Variants in TRMT44 observed in about 807,000 individuals in gnomAD.
The protein encoded by TRMT44 is probable tRNA (uracil-O(2)-)-methyltransferase.
Under a neutral mutation model 77.3 loss-of-function variants are expected in TRMT44, and 78 were observed. The ratio of observed to expected loss-of-function variants is 1.01; its 90% CI spans 0.84 to 1.22. The LOEUF is 1.22. TRMT44 is among the 50% of genes most tolerant of loss of function. The probability of loss-of-function intolerance (pLI) is 0.00; values close to 1 mark genes in which losing one functional copy is unlikely to be tolerated. For synonymous variants in TRMT44, 391 were observed against 383.3 expected (o/e 1.02, Z -0.23); for missense variants, 1,090 against 964.4 (o/e 1.13, Z -1.73).
chr4:8,494,061 G>T (rs1182282423), downstream of TRMT44, among the ~76,000 whole-genome samples: 1 of 150,848 alleles, frequency 6.6e-6, no homozygotes, highest in Non-Finnish European at 1.5e-5. Context: ...CACCAGGTGT[G>T]TGAGGCAGCT....
In TRMT44 at chr4:8,446,353, T is replaced by C; in HGVS notation, c.620-123T>C. The C allele has an allele frequency of 1.6e-6, 1 of 639,672 alleles. No homozygotes were observed. Among genetic ancestry groups the C allele is most frequent in the Non-Finnish European group, 2.7e-6 (1 of 367,740 alleles). The allele number at this position is 639,672 out of a possible 1,614,324, so 39.6% of individuals were successfully genotyped here. A position where few individuals can be genotyped will look rare whatever the true frequency, so the allele number is the denominator to read the frequency against. Reference sequence around the variant, plus strand: ...CAAAAGTTCCTCTCCTGGAGTGCCATTGTGAATAGAGTGCTGGGGGATTGA... The same window carrying C: ...CAAAAGTTCCTCTCCTGGAGTGCCACTGTGAATAGAGTGCTGGGGGATTGA... On this transcript the variant is annotated intron_variant, in intron 1 of 10. Transcript: ENST00000389737. This position sits in a 1 kb window ranked among gnomAD's most constrained non-coding sequence, Gnocchi z 4.3.
rs1725511362 is a variant in TRMT44, at chr4:8,452,405, C to G, written c.1023+377C>G. 6.6e-6 allele frequency among the ~76,000 whole-genome samples: 1 copy of G among 152,204 alleles called. No individual in the cohort carries two copies. The highest frequency in any genetic ancestry group is 2.1e-4 in the South Asian group (1 of 4,822). ...AGCTGGCTACATTTGGACATGCCCTCTGATTTAATCATCTTGGTTTACTTA... is the reference window on the plus strand; with the variant it reads ...AGCTGGCTACATTTGGACATGCCCTGTGATTTAATCATCTTGGTTTACTTA... On this transcript the variant is annotated intron_variant, in intron 4 of 10. Coordinates refer to ENST00000389737, the MANE Select transcript of TRMT44 (RefSeq NM_152544.3). The surrounding 1 kb of genome is among the most constrained non-coding windows in gnomAD (Gnocchi z 5.7).
In TRMT44 at chr4:8,440,843, C is replaced by T. The variant is rs1392835462; in HGVS notation, c.21C>T (p.Thr7=). MAEVGR[T]GISYPGALLP... is the part of the protein sequence containing the mutation. Reference sequence around the variant, plus strand: ...CTGCCATGGCTGAGGTGGGCCGTACCGGGATCAGCTACCCAGGCGCGCTTC... The same window carrying T: ...CTGCCATGGCTGAGGTGGGCCGTACTGGGATCAGCTACCCAGGCGCGCTTC... Residue 7 remains threonine (T), a synonymous_variant, in exon 1 of 11, where the codon ACC becomes ACT. Transcript: ENST00000389737. 1.3e-6 allele frequency: 2 copies of T among 1,507,002 alleles called. No homozygotes were observed. Among genetic ancestry groups the T allele is most frequent in the African/African-American group, 1.4e-5 (1 of 70,536 alleles). 93.4% of individuals were successfully genotyped at this position (1,507,002 alleles called of 1,614,324 possible).
downstream of TRMT44, among the ~76,000 whole-genome samples, chr4:8,480,345 T>TTCTGG (rs1311084726): frequency 1.3e-5 from 2 of 152,154 alleles, no homozygotes; most frequent in East Asian, 3.8e-4. Flanking sequence ...TCTTATATAT[T>TTCTGG]GGCGTACTTC....
chr4:8,468,912 G>A lies in TRMT44; in HGVS notation c.1927+566G>A, dbSNP rs114512710. ...GGCTGTAAGGACCTCGCCTCCTTCC[G>A]GGCAGGGATGCTGCTTGGCCGCCAG... On this transcript the variant is annotated intron_variant, in intron 9 of 10. Coordinates refer to ENST00000389737, the MANE Select transcript of TRMT44 (RefSeq NM_152544.3). Among the ~76,000 whole-genome samples the A allele has an allele frequency of 1.2e-3, 189 of 152,300 alleles. 1 individual carries two copies. The highest frequency in any genetic ancestry group is 4.2e-3 in the African/African-American group (175 of 41,566).
chr4:8,449,655 T>C lies in TRMT44; in HGVS notation c.735-14T>C, dbSNP rs1474186260. Reference sequence around the variant, plus strand: ...ACATATCTGTGCTTATTCATATTTCTCTTATTTTTAAAGGTTCATATCTGT... The same window carrying C: ...ACATATCTGTGCTTATTCATATTTCCCTTATTTTTAAAGGTTCATATCTGT... On this transcript the variant is annotated splice_polypyrimidine_tract_variant and intron_variant, in intron 2 of 10. Transcript: ENST00000389737. 1 of 1,513,038 alleles carries C rather than the reference T, an allele frequency of 6.6e-7. No individual in the cohort carries two copies. Among genetic ancestry groups the C allele is most frequent in the African/African-American group, 1.4e-5 (1 of 72,662 alleles). 93.7% of individuals were successfully genotyped at this position (1,513,038 alleles called of 1,614,324 possible).
In TRMT44 at chr4:8,475,765, A is replaced by G. The variant is rs373918931; in HGVS notation, c.2045-7A>G. 3.3e-5 allele frequency: 53 copies of G among 1,613,666 alleles called. No homozygotes were observed. The highest frequency in any genetic ancestry group is 6.7e-5 in the African/African-American group (5 of 74,888). On this transcript the variant is annotated splice_region_variant and splice_polypyrimidine_tract_variant and intron_variant, in intron 10 of 10. Coordinates refer to ENST00000389737, the MANE Select transcript of TRMT44 (RefSeq NM_152544.3). ...TCTCAGTGTGTCTTCTCTGTTCCAAACCACAGTTGTGAATGGGAGAGTTCA... is the reference window on the plus strand; with the variant it reads ...TCTCAGTGTGTCTTCTCTGTTCCAAGCCACAGTTGTGAATGGGAGAGTTCA...
Position 8,468,026 on chromosome 4 carries a change from G to T in TRMT44, c.1607G>T (p.Gly536Val), listed in dbSNP as rs748343108. ...CGGGGCTGCCCTGTAAGCCCACCTG[G>T]CTGGGAGCTTTCCCCTTCTCCACGC... ...SRRGCPVSPP[G>V]WELSPSPRWV... is the part of the protein sequence containing the mutation. The change falls in exon 9 of 11, where the codon GGC (glycine) becomes GTC (valine). Residue 536 changes from glycine (G) to valine (V), a missense_variant. By Grantham distance (109) the Gly-to-Val change is moderately radical. Coordinates refer to ENST00000389737, the MANE Select transcript of TRMT44 (RefSeq NM_152544.3). The T allele has an allele frequency of 1.2e-6, 2 of 1,614,024 alleles. No individual in the cohort carries two copies. The highest frequency in any genetic ancestry group is 2.2e-5 in the East Asian group (1 of 44,882).
At chr4:8,455,314 A>T (rs1007586102) in intron 6 of TRMT44, among the ~76,000 whole-genome samples, 10 of 152,170 alleles carry the variant, frequency 6.6e-5, no homozygotes, top group African/African-American at 2.4e-4. Context: ...GAGGGGCTTG[A>T]CCCTACTTGG....
At chr4:8,475,387 G>C (rs1395932096) in intron 10 of TRMT44, among the ~76,000 whole-genome samples, 3 of 152,212 alleles carry the variant, frequency 2.0e-5, no homozygotes, top group Admixed American at 1.3e-4. Context: ...TGGCCTCAAT[G>C]ATGAGGCCAC....
chr4:8,459,595 T>C (rs1442318940), intron 6 of TRMT44, among the ~76,000 whole-genome samples: 1 of 152,212 alleles, frequency 6.6e-6, no homozygotes, highest in Non-Finnish European at 1.5e-5. Flanking sequence ...ATATTTTTCC[T>C]ACCTGGACTT....
At chr4:8,443,391 A>G (rs192555108) in intron 1 of TRMT44, among the ~76,000 whole-genome samples, 56 of 152,222 alleles carry the variant, frequency 3.7e-4, no homozygotes, top group Middle Eastern at 6.8e-3. Flanking sequence ...TGCTTTCTAT[A>G]TTCAGTTCCC....
At chr4:8,449,567 G>A in intron 2 of TRMT44, 102 bp from the exon 3 acceptor site, 1 of 918,818 alleles carries the variant, frequency 1.1e-6, no homozygotes, top group Non-Finnish European at 1.6e-6. Flanking sequence ...TGGTAATATA[G>A]ATGTCTTAGC....
At position 8,476,274 on chromosome 4, in the gene TRMT44, C is replaced by T. The variant is rs375877531; in HGVS notation, c.*273C>T. The T allele has an allele frequency of 1.1e-4, 56 of 503,706 alleles. No homozygotes were observed. In the East Asian group the frequency reaches 1.4e-3, roughly 12 times the overall value. The allele number at this position is 503,706 out of a possible 1,614,324, so 31.2% of individuals were successfully genotyped here. A position where few individuals can be genotyped will look rare whatever the true frequency, so the allele number is the denominator to read the frequency against. ...ATCTTCATATCATAAAGATTGTGCA[C>T]GGATCCTTACAATGTCTCCTGGGGG... On this transcript the variant is annotated 3_prime_UTR_variant, in exon 11 of 11. Transcript: ENST00000389737.
chr4:8,460,284 C>T (rs1229578429), intron 6 of TRMT44, among the ~76,000 whole-genome samples: 1 of 152,162 alleles, frequency 6.6e-6, no homozygotes, highest in Non-Finnish European at 1.5e-5. Context: ...CACAGAGCCT[C>T]ATCTGCCAGA....
the TRMT44 span, among the ~76,000 whole-genome samples, chr4:8,505,261 C>T: frequency 4.6e-5 from 7 of 152,226 alleles, no homozygotes; most frequent in East Asian, 3.9e-4. Context: ...CTTCCATCTG[C>T]GAACAGGAGG....
chr4:8,478,768 A>G (rs954531197), downstream of TRMT44: 2 of 152,206 alleles, frequency 1.3e-5, no homozygotes, highest in Non-Finnish European at 2.9e-5. Flanking sequence ...GTGCGTCTAC[A>G]CTGCTTTTCA....
chr4:8,482,105 C>T (rs923780567), intron 2 of TRMT44, among the ~76,000 whole-genome samples: 4 of 152,196 alleles, frequency 2.6e-5, no homozygotes, highest in African/African-American at 9.7e-5. Context: ...TCTTGGGGCT[C>T]ATCTTGTTTT....
At chr4:8,479,832 C>CACTT (rs779484841), downstream of TRMT44, among the ~76,000 whole-genome samples, 16 of 152,280 alleles carry the variant, frequency 1.1e-4, no homozygotes, top group East Asian at 2.9e-3. Flanking sequence ...TTTTTAATAA[C>CACTT]AGCTTAAAAC....
Sources: allele counts gnomAD v4.1 joint callset (sites outside exome capture counted in the v4.1 genomes callset), GRCh38; gene constraint gnomAD v4.1.1; non-coding constraint Gnocchi (gnomAD v3.1); transcripts MANE v1.5; gene names NCBI Gene and HGNC (gene_info 2026-07-23, HGNC 2026-07-21).